Variants in PLCB1 observed in about 807,000 individuals in gnomAD.
PLCB1 encodes 1-phosphatidylinositol 4,5-bisphosphate phosphodiesterase beta-1.
Under a neutral mutation model 161.8 loss-of-function variants are expected in PLCB1, and 46 were observed. That is an observed-to-expected ratio of 0.28 (90% CI 0.22 to 0.36). PLCB1 has a LOEUF of 0.36. Among genes scored for constraint, PLCB1 ranks in the 10% least tolerant of loss-of-function variants. PLCB1 has a pLI of 1.00. For missense variants in PLCB1, 1,016 were observed against 1,472.5 expected, an observed-to-expected ratio of 0.69 and a Z score of 5.07; for synonymous variants, 517 against 503.7, an observed-to-expected ratio of 1.03 and a Z score of -0.35.
At chr20:8,354,513 C>T (rs1184745928) in intron 2 of PLCB1, among the ~76,000 whole-genome samples, 1 of 152,134 alleles carries the variant, frequency 6.6e-6, no homozygotes, top group Non-Finnish European at 1.5e-5. Context: ...AAATTGTACA[C>T]ACCCTCTTCC....
At chr20:8,818,416 G>A (rs2146260678) in intron 31 of PLCB1, among the ~76,000 whole-genome samples, 1 of 152,138 alleles carries the variant, frequency 6.6e-6, no homozygotes, top group South Asian at 2.1e-4. Context: ...ACAAAAAGAT[G>A]CCCACTATTA....
chr20:8,361,073 C>T (rs958302378), intron 2 of PLCB1, among the ~76,000 whole-genome samples: 4 of 152,122 alleles, frequency 2.6e-5, no homozygotes, highest in Non-Finnish European at 4.4e-5. Context: ...TGAGAAAATA[C>T]GTTGGTTACT....
chr20:8,318,499 A>G (rs1330453220), intron 2 of PLCB1, among the ~76,000 whole-genome samples: 2 of 151,426 alleles, frequency 1.3e-5, no homozygotes, highest in Admixed American at 6.6e-5. Flanking sequence ...TGTTGTACAA[A>G]TAAAACAGAA....
intron 2 of PLCB1, among the ~76,000 whole-genome samples, chr20:8,276,862 T>C (rs59579063): frequency 0.032 from 4,898 of 152,084 alleles, 221 homozygotes; most frequent in African/African-American, 0.1. Flanking sequence ...ATTCAGGAGT[T>C]GGACTTCTAT....
intron 3 of PLCB1, among the ~76,000 whole-genome samples, chr20:8,554,870 A>G (rs1219535880): frequency 4.6e-5 from 7 of 152,176 alleles, no homozygotes; most frequent in African/African-American, 1.4e-4. Flanking sequence ...AATTCAGTGT[A>G]TGACAAAATC....
At chr20:8,807,329 G>A (rs766425098) in intron 31 of PLCB1, among the ~76,000 whole-genome samples, 3 of 152,016 alleles carry the variant, frequency 2.0e-5, no homozygotes, top group Non-Finnish European at 2.9e-5. Context: ...AATTAGAATC[G>A]ATATTGTGCT....
intron 3 of PLCB1, among the ~76,000 whole-genome samples, chr20:8,562,884 G>C (rs1008343800): frequency 6.6e-6 from 1 of 152,008 alleles, no homozygotes; most frequent in African/African-American, 2.4e-5. Flanking sequence ...TTCTAAATCA[G>C]GAAAAGTACA....
At chr20:8,464,676 A>G (rs1981732736) in intron 3 of PLCB1, among the ~76,000 whole-genome samples, 1 of 152,196 alleles carries the variant, frequency 6.6e-6, no homozygotes, top group South Asian at 2.1e-4. Context: ...TAGAGATAAC[A>G]TAGAAAAGTT....
At chr20:8,542,529 A>G (rs1033734198) in intron 3 of PLCB1, among the ~76,000 whole-genome samples, 3 of 152,218 alleles carry the variant, frequency 2.0e-5, no homozygotes, top group Admixed American at 6.5e-5. Context: ...TACTTAGCAC[A>G]TAATTGTTCT....
At chr20:8,745,104 A>G (rs1981100700) in intron 23 of PLCB1, among the ~76,000 whole-genome samples, 1 of 152,220 alleles carries the variant, frequency 6.6e-6, no homozygotes, top group Non-Finnish European at 1.5e-5. Flanking sequence ...TCTAATAGAG[A>G]AAATATGATT....
chr20:8,643,004 T>A (rs1354255034), intron 4 of PLCB1, among the ~76,000 whole-genome samples: 7 of 152,228 alleles, frequency 4.6e-5, no homozygotes, highest in Non-Finnish European at 7.3e-5. Context: ...GAAAATTGAT[T>A]TTTAATTTGT....
intron 2 of PLCB1, among the ~76,000 whole-genome samples, chr20:8,235,408 A>G (rs566139487): frequency 6.6e-6 from 1 of 152,256 alleles, no homozygotes; most frequent in East Asian, 1.9e-4. Context: ...ATATATCCAT[A>G]TAATTATTAC....
At chr20:8,628,479 T>G (rs1383396623) in intron 4 of PLCB1, 48 bp downstream of exon 4, 15 of 1,600,944 alleles carry the variant, frequency 9.4e-6, no homozygotes, top group Non-Finnish European at 1.3e-5. Context: ...ATCTGAATCC[T>G]TGAGCTATCA....
chr20:8,841,068 C>T (rs982553650), intron 31 of PLCB1, among the ~76,000 whole-genome samples: 2 of 152,144 alleles, frequency 1.3e-5, no homozygotes, highest in African/African-American at 4.8e-5. Context: ...GAACTCCTGA[C>T]CTCAGGTGAT....
chr20:8,453,371 C>T (rs1981160286), intron 3 of PLCB1, among the ~76,000 whole-genome samples: 1 of 152,180 alleles, frequency 6.6e-6, no homozygotes, highest in East Asian at 1.9e-4. Context: ...GATTTAAATC[C>T]TGAGTCTGAC....
intron 11 of PLCB1, among the ~76,000 whole-genome samples, chr20:8,706,946 G>A (rs1375476039): frequency 6.6e-6 from 1 of 152,130 alleles, no homozygotes; most frequent in African/African-American, 2.4e-5. Flanking sequence ...TTTTCCCAAG[G>A]TCACACAGCT....
chr20:8,689,484 C>A (rs560488943), intron 10 of PLCB1, among the ~76,000 whole-genome samples: 9 of 152,226 alleles, frequency 5.9e-5, no homozygotes, highest in African/African-American at 2.2e-4. Flanking sequence ...GTGGGTTTGT[C>A]ATAGGTGGCT....
intron 1 of PLCB1, among the ~76,000 whole-genome samples, chr20:8,138,783 TAAGA>T (rs997073884): frequency 2.6e-5 from 4 of 152,208 alleles, no homozygotes; most frequent in Non-Finnish European, 5.9e-5. Flanking sequence ...TTATGTTCTT[TAAGA>T]GTCTCTCTGG....
At chr20:8,520,129 CT>C (rs1233403031) in intron 3 of PLCB1, among the ~76,000 whole-genome samples, 3 of 152,152 alleles carry the variant, frequency 2.0e-5, no homozygotes, top group African/African-American at 4.8e-5. Flanking sequence ...GCCATTAGCA[CT>C]TTGCCTGAAG....
Sources: gnomAD v4.1 joint callset for allele counts (sites outside exome capture counted in the v4.1 genomes callset) on GRCh38, gnomAD v4.1.1 for gene constraint, MANE v1.5 for transcripts, NCBI Gene and HGNC (gene_info 2026-07-23, HGNC 2026-07-21) for gene names.